The following RASGEF1C variants were observed in gnomAD, a reference collection of about 807,000 sequenced individuals.
The protein encoded by RASGEF1C is ras-GEF domain-containing family member 1C.
A neutral mutation model predicts 58.1 loss-of-function variants in RASGEF1C; 27 were observed. The observed-to-expected ratio is 0.46, with a 90% CI of 0.34 to 0.64. The LOEUF is 0.64. RASGEF1C is among the 30% of genes least tolerant of loss of function. The pLI is 0.01. For missense variants in RASGEF1C, 502 were observed against 605.1 expected (o/e 0.83, Z 1.79); for synonymous variants, 243 against 246.3 (o/e 0.99, Z 0.13).
At chr5:180,121,475 A>G (rs895497591) in intron 6 of RASGEF1C, among the ~76,000 whole-genome samples, 15 of 152,170 alleles carry the variant, frequency 9.9e-5, no homozygotes, top group East Asian at 7.7e-4. Flanking sequence ...CACCACGCCC[A>G]GAGAATTTTT....
At chr5:180,131,697 C>T (rs1181703909) in intron 4 of RASGEF1C, among the ~76,000 whole-genome samples, 3 of 152,236 alleles carry the variant, frequency 2.0e-5, no homozygotes, top group South Asian at 2.1e-4. Context: ...GACAGTCAGA[C>T]GCTCTCTCCA....
At chr5:180,190,125 T>C (rs903526661) in intron 1 of RASGEF1C, among the ~76,000 whole-genome samples, 2 of 151,680 alleles carry the variant, frequency 1.3e-5, no homozygotes, top group African/African-American at 4.8e-5. Context: ...AAGGTATTAA[T>C]AGGAGGATCG....
intron 6 of RASGEF1C, among the ~76,000 whole-genome samples, chr5:180,125,288 A>C (rs943543603): frequency 1.3e-5 from 2 of 152,244 alleles, no homozygotes; most frequent in African/African-American, 4.8e-5. Flanking sequence ...ACAACCATTC[A>C]TGATGAGAAT....
chr5:180,108,391 TG>T (rs1365436267), intron 12 of RASGEF1C, among the ~76,000 whole-genome samples: 3 of 151,840 alleles, frequency 2.0e-5, no homozygotes, highest in Non-Finnish European at 4.4e-5. Context: ...TTAGTAGAGA[TG>T]GGGTTTCACC....
chr5:180,178,694 T>C (rs1361719838), intron 1 of RASGEF1C, among the ~76,000 whole-genome samples: 1 of 152,168 alleles, frequency 6.6e-6, no homozygotes, highest in Non-Finnish European at 1.5e-5. Context: ...AAGTGCACCA[T>C]CACCAGCTGC....
At chr5:180,176,933 C>T (rs1026186722) in intron 1 of RASGEF1C, among the ~76,000 whole-genome samples, 5 of 152,160 alleles carry the variant, frequency 3.3e-5, no homozygotes, top group African/African-American at 1.2e-4. Context: ...TGGTGCCAGC[C>T]GTCAGGGTTG....
intron 1 of RASGEF1C, among the ~76,000 whole-genome samples, chr5:180,190,269 C>CCT (rs1299495545): frequency 6.6e-6 from 1 of 151,776 alleles, no homozygotes; most frequent in Admixed American, 6.6e-5. Flanking sequence ...AGGCGGATCA[C>CCT]GAGGTTAGGA....
chr5:180,208,838 C>T (rs1756541658), intron 1 of RASGEF1C, among the ~76,000 whole-genome samples, 190 bp downstream of exon 1: 1 of 151,378 alleles, frequency 6.6e-6, no homozygotes, highest in South Asian at 2.1e-4. Context: ...ACCCTACCCG[C>T]TACCCCCGCG....
chr5:180,146,304 G>A (rs1238773284), intron 1 of RASGEF1C, among the ~76,000 whole-genome samples: 2 of 152,006 alleles, frequency 1.3e-5, no homozygotes, highest in Non-Finnish European at 2.9e-5. Context: ...CACCACACCC[G>A]GCTCATTTTG....
chr5:180,129,886 T>C (rs1038217199), intron 4 of RASGEF1C, among the ~76,000 whole-genome samples: 1 of 152,118 alleles, frequency 6.6e-6, no homozygotes. Flanking sequence ...TCCTTGGAAA[T>C]AGGGGTTTCC....
At chr5:180,146,281 T>C (rs539725512) in intron 1 of RASGEF1C, among the ~76,000 whole-genome samples, 1 of 152,316 alleles carries the variant, frequency 6.6e-6, no homozygotes, top group South Asian at 2.1e-4. Context: ...TAGCTGGGAC[T>C]ACAGGTGCAT....
At chr5:180,162,521 A>G (rs1391055390) in intron 1 of RASGEF1C, among the ~76,000 whole-genome samples, 1 of 152,218 alleles carries the variant, frequency 6.6e-6, no homozygotes, top group Non-Finnish European at 1.5e-5. Context: ...GCAGCCTCAG[A>G]TTCTCAAAGC....
chr5:180,170,958 G>C (rs1561749806), intron 1 of RASGEF1C, among the ~76,000 whole-genome samples: 1 of 152,206 alleles, frequency 6.6e-6, no homozygotes, highest in Non-Finnish European at 1.5e-5. Flanking sequence ...GAGTGGGGAG[G>C]AGGGGCTGTC....
At chr5:180,166,045 G>A (rs984776674) in intron 1 of RASGEF1C, among the ~76,000 whole-genome samples, 4 of 151,986 alleles carry the variant, frequency 2.6e-5, no homozygotes, top group Non-Finnish European at 5.9e-5. Flanking sequence ...CACCACGCCC[G>A]GCCTAATTTT....
At chr5:180,152,822 A>G (rs1766784919) in intron 1 of RASGEF1C, among the ~76,000 whole-genome samples, 1 of 151,538 alleles carries the variant, frequency 6.6e-6, no homozygotes, top group Non-Finnish European at 1.5e-5. Context: ...GAGGCAGGAG[A>G]ACTGCTTGAA....
At chr5:180,199,785 C>A (rs1366261545) in intron 1 of RASGEF1C, among the ~76,000 whole-genome samples, 12 of 151,890 alleles carry the variant, frequency 7.9e-5, no homozygotes, top group Non-Finnish European at 1.5e-5. Flanking sequence ...CCACCACAGC[C>A]TCCCAAAGCG....
chr5:180,176,207 C>T (rs1767223184), intron 1 of RASGEF1C, among the ~76,000 whole-genome samples: 1 of 152,226 alleles, frequency 6.6e-6, no homozygotes, highest in African/African-American at 2.4e-5. Context: ...GTGGCCATGC[C>T]TCCCAGAGAG....
At chr5:180,152,610 G>GC (rs1221053593) in intron 1 of RASGEF1C, among the ~76,000 whole-genome samples, 1 of 149,676 alleles carries the variant, frequency 6.7e-6, no homozygotes, top group Non-Finnish European at 1.5e-5. Flanking sequence ...TATACCTAAC[G>GC]TTAAATGACG....
In RASGEF1C at chr5:180,138,017, G is replaced by A. The variant is rs1448783349; in HGVS notation, c.36C>T (p.Thr12=). 5.8e-6 allele frequency: 9 copies of A among 1,555,472 alleles called. No homozygotes were observed. The highest frequency in any genetic ancestry group is 2.2e-5 in the Admixed American group (1 of 46,028). The change falls in exon 2 of 14, where the codon ACC becomes ACT. Residue 12 remains threonine (T), a synonymous_variant. Coordinates refer to ENST00000361132, the MANE Select transcript of RASGEF1C (RefSeq NM_175062.4). Reference sequence around the variant, plus strand: ...TGGGGGGTGGGCTGAGGCTGCCTGGGGTGACCATGTCGGAGGCACTCAGCG... The same window carrying A: ...TGGGGGGTGGGCTGAGGCTGCCTGGAGTGACCATGTCGGAGGCACTCAGCG... The part of the protein sequence containing the change: ...PQTLSASDMV[T]PGSLSPPPTE...
Sources: allele counts gnomAD v4.1 joint callset (sites outside exome capture counted in the v4.1 genomes callset), GRCh38; gene constraint gnomAD v4.1.1; transcripts MANE v1.5; gene names NCBI Gene and HGNC (gene_info 2026-07-23, HGNC 2026-07-21).